Variants in FAM81B observed in about 807,000 individuals in gnomAD.
FAM81B encodes protein FAM81B.
FAM81B carries 60 observed loss-of-function variants against 58.7 expected under a neutral mutation model. That is an observed-to-expected ratio of 1.02 (90% CI 0.83 to 1.27). FAM81B has a LOEUF of 1.27. FAM81B is among the 50% of genes most tolerant of loss of function. The pLI, the probability that FAM81B is intolerant of heterozygous loss-of-function variation, is 0.00. For missense variants in FAM81B, 491 were observed against 522.0 expected (o/e 0.94, Z 0.58); for synonymous variants, 189 against 179.6 (o/e 1.05, Z -0.42).
At position 95,446,594 on chromosome 5, in the gene FAM81B, A is replaced by C; in HGVS notation, c.926A>C (p.Glu309Ala). 1 of 1,611,054 alleles carries C rather than the reference A, an allele frequency of 6.2e-7. No homozygotes were observed. Among genetic ancestry groups the C allele is most frequent in the South Asian group, 1.1e-5 (1 of 90,370 alleles). ...FHSLSSNLYE[E>A]VENNKKWTEN... ...TCACTTTCAAGTAATCTGTACGAAGAAGTTGAGAATAATAAAAAATGGACA... is the reference window on the plus strand; with the variant it reads ...TCACTTTCAAGTAATCTGTACGAAGCAGTTGAGAATAATAAAAAATGGACA... The change falls in exon 8 of 10, where the codon GAA (glutamate) becomes GCA (alanine). Residue 309 changes from glutamate to alanine, a missense_variant. Glu to Ala is a moderately radical substitution (Grantham distance 107, BLOSUM62 -1). Coordinates refer to ENST00000283357, the MANE Select transcript of FAM81B (RefSeq NM_152548.3).
intron 5 of FAM81B, among the ~76,000 whole-genome samples, chr5:95,423,518 T>C (rs950326946): frequency 1.4e-5 from 2 of 147,528 alleles, no homozygotes; most frequent in African/African-American, 5.1e-5. Flanking sequence ...TTTGGCTCTT[T>C]AGGACTCCAG....
intron 7 of FAM81B, among the ~76,000 whole-genome samples, chr5:95,443,577 T>A (rs1346264744): frequency 6.6e-6 from 1 of 152,196 alleles, no homozygotes; most frequent in Non-Finnish European, 1.5e-5. Flanking sequence ...TAACTGTAAG[T>A]TCTGTAATTA....
At chr5:95,437,409 G>A (rs951702145) in intron 7 of FAM81B, among the ~76,000 whole-genome samples, 11 of 152,106 alleles carry the variant, frequency 7.2e-5, no homozygotes, top group African/African-American at 2.2e-4. Flanking sequence ...GCAGTGGCGC[G>A]TCTCTGCTTA....
chr5:95,394,719 G>T (rs901480946), intron 2 of FAM81B, among the ~76,000 whole-genome samples: 1 of 152,156 alleles, frequency 6.6e-6, no homozygotes, highest in Non-Finnish European at 1.5e-5. Flanking sequence ...CTCTCCTGGG[G>T]GTTCACAGGC....
Position 95,448,386 on chromosome 5 carries a change from A to G in FAM81B, c.1147A>G (p.Lys383Glu). 1 of 1,613,156 alleles carries G rather than the reference A, an allele frequency of 6.2e-7. No homozygotes were observed. The highest frequency in any genetic ancestry group is 8.5e-7 in the Non-Finnish European group (1 of 1,179,738). Residue 383 changes from lysine to glutamate, a missense_variant, in exon 9 of 10, where the codon AAA becomes GAA. By Grantham distance (56) the Lys-to-Glu change is moderately conservative. Coordinates refer to ENST00000283357, the MANE Select transcript of FAM81B (RefSeq NM_152548.3). ...QLSKVKHMEN[K>E]LSKKMEQMEK... ...AAGTAAAGTAAAGCATATGGAAAAT[A>G]AATTGTCCAAAAAGATGGAACAAAT...
At chr5:95,395,713 C>T (rs1369797273) in intron 2 of FAM81B, among the ~76,000 whole-genome samples, 2 of 152,082 alleles carry the variant, frequency 1.3e-5, no homozygotes, top group African/African-American at 4.8e-5. Context: ...TTTTCTAGTT[C>T]GGGGCTTTGT....
intron 6 of FAM81B, among the ~76,000 whole-genome samples, chr5:95,430,590 A>T (rs780146036): frequency 6.6e-6 from 1 of 152,020 alleles, no homozygotes; most frequent in East Asian, 1.9e-4. Flanking sequence ...GTTCTTTTAA[A>T]TATTTTGCTC....
intron 6 of FAM81B, among the ~76,000 whole-genome samples, chr5:95,436,325 T>C (rs1745099473): frequency 1.3e-5 from 2 of 152,214 alleles, no homozygotes; most frequent in African/African-American, 4.8e-5. Context: ...TGTGTTTTCC[T>C]CAGAGCCTGA....
At chr5:95,427,478 C>T (rs965900228) in intron 5 of FAM81B, among the ~76,000 whole-genome samples, 1 of 152,094 alleles carries the variant, frequency 6.6e-6, no homozygotes, top group Non-Finnish European at 1.5e-5. Context: ...AAAGGGATAC[C>T]TTTAGTATCT....
At chr5:95,393,084 T>G (rs1000482471) in intron 2 of FAM81B, among the ~76,000 whole-genome samples, 187 bp downstream of exon 2, 1 of 152,206 alleles carries the variant, frequency 6.6e-6, no homozygotes, top group African/African-American at 2.4e-5. Flanking sequence ...ATTTACAATT[T>G]CATTAATTAG....
chr5:95,450,419 TA>T lies in FAM81B; in HGVS notation c.*139del. ...TAAGGAGACGAATGTACCAGAAAAA[TA>T]ATAAAGCAAAGAAGCTTCGGATGTC... On this transcript the variant is annotated 3_prime_UTR_variant, in exon 10 of 10. Transcript: ENST00000283357. The T allele has an allele frequency of 7.0e-7, 1 of 1,425,220 alleles. No homozygotes were observed. The highest frequency in any genetic ancestry group is 9.4e-7 in the Non-Finnish European group (1 of 1,069,004). The allele number at this position is 1,425,220 out of a possible 1,614,324, so 88.3% of individuals were successfully genotyped here. A position where few individuals can be genotyped will look rare whatever the true frequency, so the allele number is the denominator to read the frequency against.
chr5:95,437,218 AC>A (rs1346486950), intron 7 of FAM81B, among the ~76,000 whole-genome samples: 1 of 152,178 alleles, frequency 6.6e-6, no homozygotes, highest in Non-Finnish European at 1.5e-5. Flanking sequence ...AATGTAAAGC[AC>A]TATGGAAAAT....
rs575848516 is a variant in FAM81B at position 95,420,593 on chromosome 5, G to A, written c.656+191G>A. ...GCTAGCGGTGAGATTCAAAGTTTCT[G>A]TAAAGACCCCTTACACAGTTTGATT... On this transcript the variant is annotated intron_variant, in intron 5 of 9. Transcript: ENST00000283357. Among the ~76,000 whole-genome samples the A allele has an allele frequency of 1.0e-3, 159 of 152,338 alleles. 4 individuals are homozygous for A. The South Asian group carries it at 0.03, about 29-fold the overall frequency.
intron 3 of FAM81B, among the ~76,000 whole-genome samples, chr5:95,411,880 T>C (rs1185236478): frequency 6.6e-6 from 1 of 152,180 alleles, no homozygotes; most frequent in East Asian, 1.9e-4. Context: ...TAAAACAAAT[T>C]AGAACTTTCT....
intron 4 of FAM81B, among the ~76,000 whole-genome samples, chr5:95,414,738 C>G (rs892613456): frequency 6.6e-6 from 1 of 152,162 alleles, no homozygotes. Flanking sequence ...TCCTATGCAA[C>G]GTGCTTCATT....
Position 95,405,531 on chromosome 5 carries a change from GTT to G in FAM81B, c.294-8414_294-8413del, listed in dbSNP as rs935909324. The stretch of plus-strand genomic sequence containing the variant: ...CTTCTGTTGTCTTCTCTCTTAATAT[GTT>G]TAATAGCCTTTTAGAAATTTATTGT... On this transcript the variant is annotated intron_variant, in intron 3 of 9. Coordinates refer to ENST00000283357, the MANE Select transcript of FAM81B (RefSeq NM_152548.3). 4.6e-5 allele frequency among the ~76,000 whole-genome samples: 7 copies of G among 151,946 alleles called. No individual in the cohort carries two copies. The East Asian group carries it at 1.3e-3, about 29-fold the overall frequency.
intron 3 of FAM81B, among the ~76,000 whole-genome samples, chr5:95,410,166 C>T (rs2152762798): frequency 6.6e-6 from 1 of 152,280 alleles, no homozygotes; most frequent in Non-Finnish European, 1.5e-5. Flanking sequence ...TTTTATTTTA[C>T]TTTTTGCCTT....
intron 4 of FAM81B, 135 bp from the exon 5 acceptor site, chr5:95,420,149 A>G: frequency 2.0e-6 from 2 of 1,017,146 alleles, no homozygotes. Context: ...CTTCTCTCTG[A>G]GATAGGACTC....
intron 3 of FAM81B, among the ~76,000 whole-genome samples, chr5:95,412,507 C>A (rs1762431156): frequency 6.6e-6 from 1 of 152,144 alleles, no homozygotes; most frequent in African/African-American, 2.4e-5. Context: ...GGGAGGAATG[C>A]CACTGCAAAC....
Sources: gnomAD v4.1 joint callset for allele counts (sites outside exome capture counted in the v4.1 genomes callset) on GRCh38, gnomAD v4.1.1 for gene constraint, MANE v1.5 for transcripts, NCBI Gene and HGNC (gene_info 2026-07-23, HGNC 2026-07-21) for gene names.